Variants in GABRR3 observed in about 807,000 individuals in gnomAD.
GABRR3 encodes gamma-aminobutyric acid receptor subunit rho-3.
A neutral mutation model predicts 43.2 loss-of-function variants in GABRR3; 29 were observed. That is an observed-to-expected ratio of 0.67 (90% CI 0.50 to 0.92). The LOEUF is 0.92. GABRR3 is among the 40% of genes least tolerant of loss of function. GABRR3 has a pLI of 0.00. For synonymous variants in GABRR3, 206 were observed against 195.9 expected, an observed-to-expected ratio of 1.05 and a Z score of -0.43; for missense variants, 576 against 572.3, an observed-to-expected ratio of 1.01 and a Z score of -0.07.
intron 7 of GABRR3, among the ~76,000 whole-genome samples, chr3:98,004,305 T>C (rs1706695237): frequency 6.6e-6 from 1 of 152,168 alleles, no homozygotes; most frequent in African/African-American, 2.4e-5. Context: ...CTATATGACA[T>C]CATGTATCCT....
At position 98,024,369 on chromosome 3, in the gene GABRR3, A is replaced by T. The variant is rs558347461; in HGVS notation, c.238+1198T>A. Among the ~76,000 whole-genome samples the T allele has an allele frequency of 5.5e-4, 82 of 149,496 alleles. 1 individual carries two copies. The South Asian group carries it at 0.017, about 31-fold the overall frequency. Reference sequence around the variant, plus strand: ...GTGACAGAGTGAGACTCCGTCTCAAAAAAAAAAAAAAAAAAAAAAAAGAAC... The same window carrying T: ...GTGACAGAGTGAGACTCCGTCTCAATAAAAAAAAAAAAAAAAAAAAAGAAC... On this transcript the variant is annotated intron_variant, in intron 3 of 9. Coordinates refer to ENST00000621172, the Ensembl canonical transcript of GABRR3.
chr3:97,988,933 G>A (rs1203969115), intron 9 of GABRR3, among the ~76,000 whole-genome samples: 1 of 150,508 alleles, frequency 6.6e-6, no homozygotes, highest in East Asian at 2.0e-4. Flanking sequence ...GGTAGTGAGT[G>A]GGGATGGTGG....
At chr3:97,999,704 G>C (rs1576038619) in intron 8 of GABRR3, 1 of 152,054 alleles carries the variant, frequency 6.6e-6, no homozygotes, top group East Asian at 1.9e-4. Flanking sequence ...CAACACTATG[G>C]GCCAGGCATC....
intron 4 of GABRR3, among the ~76,000 whole-genome samples, chr3:98,014,042 A>T (rs1215033351): frequency 6.6e-6 from 1 of 152,220 alleles, no homozygotes; most frequent in Non-Finnish European, 1.5e-5. Flanking sequence ...GAGTAGAAAG[A>T]TGATAAATGA....
intron 4 of GABRR3, among the ~76,000 whole-genome samples, chr3:98,013,452 C>A (rs1706833120): frequency 6.6e-6 from 1 of 152,158 alleles, no homozygotes; most frequent in Non-Finnish European, 1.5e-5. Flanking sequence ...GGCTGTTGGA[C>A]AATTACAATT....
chr3:97,991,032 G>T (rs1362117686), intron 9 of GABRR3, among the ~76,000 whole-genome samples: 3 of 152,188 alleles, frequency 2.0e-5, no homozygotes, highest in African/African-American at 7.2e-5. Context: ...TACACAAAAA[G>T]ATTGTGTATA....
intron 9 of GABRR3, among the ~76,000 whole-genome samples, chr3:97,987,960 A>G (rs897613904): frequency 3.3e-5 from 5 of 151,420 alleles, no homozygotes; most frequent in African/African-American, 1.2e-4. Context: ...TTTTTCACTC[A>G]TTCTCTTTTA....
chr3:98,020,922 T>G (rs1405076322), intron 3 of GABRR3, among the ~76,000 whole-genome samples: 16 of 148,182 alleles, frequency 1.1e-4, no homozygotes, highest in African/African-American at 3.5e-4. Flanking sequence ...AGTGCAGTGG[T>G]GTAATCTCGG....
chr3:98,025,434 G>C, intron 3 of GABRR3, 133 bp downstream of exon 3: 2 of 582,296 alleles, frequency 3.4e-6, no homozygotes, highest in East Asian at 2.9e-5. Context: ...TAAAGAGAAG[G>C]TGATTGTAAA....
chr3:98,008,774 T>A, intron 6 of GABRR3, among the ~76,000 whole-genome samples, 182 bp downstream of exon 6: 1 of 122,652 alleles, frequency 8.2e-6, no homozygotes, highest in African/African-American at 3.2e-5. Context: ...CAAACTGCCA[T>A]CAACCTTCAT....
intron 2 of GABRR3, among the ~76,000 whole-genome samples, chr3:98,027,955 A>C (rs1006383058): frequency 6.6e-6 from 1 of 151,148 alleles, no homozygotes; most frequent in Non-Finnish European, 1.5e-5. Flanking sequence ...TTTAAAAAAA[A>C]CTACTATCTC....
At position 98,022,357 on chromosome 3, in the gene GABRR3, A is replaced by C. The variant is rs374991432; in HGVS notation, c.238+3210T>G. On this transcript the variant is annotated intron_variant, in intron 3 of 9. Coordinates refer to ENST00000621172, the Ensembl canonical transcript of GABRR3. ...CTTCTAATGCTTTATAAAAGTAAAA[A>C]ACACTGCAGTAGCAGCTGGTTTTAA... Among the ~76,000 whole-genome samples the C allele has an allele frequency of 3.2e-4, 49 of 152,374 alleles. No individual in the cohort carries two copies. The East Asian group carries it at 3.7e-3, about 11-fold the overall frequency.
chr3:98,007,710 C>T, intron 7 of GABRR3, 54 bp downstream of exon 7: 2 of 1,598,820 alleles, frequency 1.3e-6, no homozygotes, highest in Non-Finnish European at 1.7e-6. Flanking sequence ...TGGTGCTTTG[C>T]AAACAGTAGA....
At chr3:98,017,468 G>T (rs1309717928) in intron 4 of GABRR3, among the ~76,000 whole-genome samples, 187 bp downstream of exon 4, 1 of 152,172 alleles carries the variant, frequency 6.6e-6, no homozygotes, top group Non-Finnish European at 1.5e-5. Context: ...AAAGGAATGA[G>T]AATTCTAATC....
At chr3:98,022,665 C>T (rs955055054) in intron 3 of GABRR3, among the ~76,000 whole-genome samples, 3 of 152,028 alleles carry the variant, frequency 2.0e-5, no homozygotes, top group Non-Finnish European at 2.9e-5. Context: ...ACACTTCTGA[C>T]TGAATTTATG....
In GABRR3 at chr3:97,986,968, G is replaced by T; in HGVS notation, c.1119C>A (p.Tyr373Ter). 7 of 1,590,204 alleles carry T rather than the reference G, an allele frequency of 4.4e-6. No homozygotes were observed. The highest frequency in any genetic ancestry group is 6.0e-6 in the Non-Finnish European group (7 of 1,170,310). Residue 373 changes from tyrosine (Y) to a stop codon, truncating the protein, a stop_gained, in exon 10 of 10, where the codon TAC becomes TAA. Transcript: ENST00000621172. LOFTEE classifies it high-confidence loss of function. ...CCATAGCTTGAACTGCATCAATATT[G>T]TACATCCTAGAAATCTGTCAAAAAA...
chr3:97,987,100 G>C, intron 9 of GABRR3, 118 bp from the exon 10 acceptor site: 2 of 688,556 alleles, frequency 2.9e-6, no homozygotes, highest in Non-Finnish European at 4.7e-6. Flanking sequence ...TAGGCCAATT[G>C]GATTTGTTTT....
In GABRR3 at chr3:98,005,737, A is replaced by G. The variant is rs529457036; in HGVS notation, c.754+2027T>C. On this transcript the variant is annotated intron_variant, in intron 7 of 9. Coordinates refer to ENST00000621172, the Ensembl canonical transcript of GABRR3. ...TTGAAGTGAAATTTAACTTCCTGTTAGGAGGACGGTTGGATATATGTTAAT... is the reference window on the plus strand; with the variant it reads ...TTGAAGTGAAATTTAACTTCCTGTTGGGAGGACGGTTGGATATATGTTAAT... Among the ~76,000 whole-genome samples, 21 of 152,314 alleles carry G rather than the reference A, an allele frequency of 1.4e-4. No individual in the cohort carries two copies. The South Asian group carries it at 3.5e-3, about 26-fold the overall frequency.
Position 98,012,333 on chromosome 3 carries a change from G to C in GABRR3, c.530+11C>G. 5 of 1,608,542 alleles carry C rather than the reference G, an allele frequency of 3.1e-6. No homozygotes were observed. Among genetic ancestry groups the C allele is most frequent in the Non-Finnish European group, 1.7e-6 (2 of 1,175,460 alleles). ...ACAGGGAAGCCAAAGGCGATAGGCA[G>C]CTTTCCTTACCTGAGACTTAGGAGG... On this transcript the variant is annotated intron_variant, in intron 5 of 9. Coordinates refer to ENST00000621172, the Ensembl canonical transcript of GABRR3.
Sources: allele counts gnomAD v4.1 joint callset (sites outside exome capture counted in the v4.1 genomes callset), GRCh38; gene constraint gnomAD v4.1.1; transcripts MANE v1.5; gene names NCBI Gene and HGNC (gene_info 2026-07-23, HGNC 2026-07-21).